The following FLNB variants were observed in gnomAD, a reference collection of about 807,000 sequenced individuals.
FLNB encodes the protein filamin B, also known as filamin-B.
A neutral mutation model predicts 250.6 loss-of-function variants in FLNB; 111 were observed. That is an observed-to-expected ratio of 0.44 (90% confidence interval 0.38 to 0.52). The LOEUF (loss-of-function observed/expected upper bound fraction) is 0.52, where lower values mean the gene tolerates loss of function less well. Ranked by LOEUF, FLNB falls within the 20% of genes least tolerant of loss-of-function variation. The pLI, the probability that FLNB is intolerant of heterozygous loss-of-function variation, is 0.00. For missense variants in FLNB, 2,869 were observed against 3,447.8 expected, an observed-to-expected ratio of 0.83 and a Z score of 4.20; for synonymous variants, 1,302 against 1,372.1, an observed-to-expected ratio of 0.95 and a Z score of 1.13.
Position 58,008,511 on chromosome 3 carries a change from C to G in FLNB, c.-54C>G. ...TCTCGCTCCTTCGGCCCTTGGGCCT[C>G]CAAACACCAGTCCCCGGCAGCTCGT... On this transcript the variant is annotated 5_prime_UTR_variant, in exon 1 of 46. Coordinates refer to ENST00000295956, the MANE Select transcript of FLNB (RefSeq NM_001457.4). 1 of 1,549,878 alleles carries G rather than the reference C, an allele frequency of 6.5e-7. No individual in the cohort carries two copies. Among genetic ancestry groups the G allele is most frequent in the South Asian group, 1.2e-5 (1 of 84,500 alleles).
chr3:58,163,075 G>A (rs2097364318), intron 42 of FLNB, 79 bp from the exon 43 acceptor site: 2 of 1,416,022 alleles, frequency 1.4e-6, no homozygotes, highest in Non-Finnish European at 1.0e-6. Flanking sequence ...TCTCAGCTTG[G>A]CCTCCATCCT....
At position 58,111,327 on chromosome 3, in the gene FLNB, T is replaced by A. The variant is rs560548885; in HGVS notation, c.2485-464T>A. 3.9e-5 allele frequency among the ~76,000 whole-genome samples: 6 copies of A among 152,354 alleles called. No homozygotes were observed. In the South Asian group the frequency reaches 1.0e-3, roughly 26 times the overall value. Reference sequence around the variant, plus strand: ...TAAAGGTAGTGGTCTTGACATCCATTTAACCTCTTCTGCCTTTATTCCAAT... The same window carrying A: ...TAAAGGTAGTGGTCTTGACATCCATATAACCTCTTCTGCCTTTATTCCAAT... On this transcript the variant is annotated intron_variant, in intron 16 of 45. Coordinates refer to ENST00000295956, the MANE Select transcript of FLNB (RefSeq NM_001457.4).
At chr3:58,133,345 C>T (rs1417909849) in intron 26 of FLNB, among the ~76,000 whole-genome samples, 2 of 146,548 alleles carry the variant, frequency 1.4e-5, no homozygotes, top group South Asian at 2.2e-4. Context: ...GCCTGTAATC[C>T]CAGCTACTTG....
intron 21 of FLNB, 69 bp from the exon 22 acceptor site, chr3:58,124,263 C>G: frequency 6.4e-7 from 1 of 1,559,102 alleles, no homozygotes; most frequent in Non-Finnish European, 8.8e-7. Context: ...TGCCAAGAAC[C>G]TTGGTTCTGG....
intron 11 of FLNB, 53 bp from the exon 12 acceptor site, chr3:58,106,627 A>G: frequency 6.5e-7 from 1 of 1,541,180 alleles, no homozygotes; most frequent in Non-Finnish European, 9.0e-7. Context: ...GTAACATAGA[A>G]TAGGTGCTTT....
At chr3:58,056,041 C>T (rs530592280) in intron 1 of FLNB, among the ~76,000 whole-genome samples, 116 of 149,652 alleles carry the variant, frequency 7.8e-4, no homozygotes, top group African/African-American at 2.7e-3. Flanking sequence ...TTATGGTCTT[C>T]GTTTGTAATG....
intron 1 of FLNB, among the ~76,000 whole-genome samples, chr3:58,016,047 AGTTT>A (rs1010114300): frequency 1.1e-4 from 17 of 149,672 alleles, no homozygotes; most frequent in South Asian, 4.2e-4. Flanking sequence ...ATGCTCCTTG[AGTTT>A]GTTTGTTTGT....
chr3:58,145,582 C>T (rs1296226916), intron 32 of FLNB, among the ~76,000 whole-genome samples: 4 of 152,202 alleles, frequency 2.6e-5, no homozygotes, highest in Non-Finnish European at 5.9e-5. Context: ...CACTTACCTT[C>T]CCTCTGGCCA....
intron 2 of FLNB, chr3:58,078,488 G>A (rs2097204656): frequency 8.5e-6 from 13 of 1,536,092 alleles, no homozygotes; most frequent in African/African-American, 1.4e-5. Context: ...CCATCTTCAT[G>A]CAAGAACATA....
At position 58,038,060 on chromosome 3, in the gene FLNB, G is replaced by A. The variant is rs573553953; in HGVS notation, c.292+29204G>A. 7.2e-5 allele frequency among the ~76,000 whole-genome samples: 11 copies of A among 152,118 alleles called. No homozygotes were observed. The East Asian group carries it at 9.6e-4, about 13-fold the overall frequency. Reference sequence around the variant, plus strand: ...TTGTTTGTTTTTATGACAGAGTTTCGCTCTTGTTGCCCAGGCTAGAGTGCA... The same window carrying A: ...TTGTTTGTTTTTATGACAGAGTTTCACTCTTGTTGCCCAGGCTAGAGTGCA... On this transcript the variant is annotated intron_variant, in intron 1 of 45. Transcript: ENST00000295956.
At chr3:58,162,296 C>T (rs903345226) in intron 42 of FLNB, among the ~76,000 whole-genome samples, 1 of 152,090 alleles carries the variant, frequency 6.6e-6, no homozygotes, top group Non-Finnish European at 1.5e-5. Flanking sequence ...ACAGGCTCTG[C>T]ACCCTGGGCA....
intron 1 of FLNB, among the ~76,000 whole-genome samples, chr3:58,068,606 A>G (rs1455154535): frequency 7.1e-6 from 1 of 141,550 alleles, no homozygotes; most frequent in Non-Finnish European, 1.6e-5. Flanking sequence ...GAAGCCTACA[A>G]TTCAGCCATG....
chr3:58,012,632 A>C (rs1485306129), intron 1 of FLNB, among the ~76,000 whole-genome samples: 1 of 152,202 alleles, frequency 6.6e-6, no homozygotes, highest in Non-Finnish European at 1.5e-5. Flanking sequence ...GATTGGCAGG[A>C]TGAATCCTCT....
chr3:58,100,589 CTT>C (rs147921421), intron 8 of FLNB, among the ~76,000 whole-genome samples: 1 of 124,964 alleles, frequency 8.0e-6, no homozygotes, highest in Admixed American at 8.5e-5. Flanking sequence ...TTTTCTTTTT[CTT>C]TTTTTTTTTG....
intron 32 of FLNB, among the ~76,000 whole-genome samples, chr3:58,144,158 A>G (rs1301965961): frequency 3.3e-5 from 5 of 152,248 alleles, no homozygotes; most frequent in Non-Finnish European, 7.3e-5. Context: ...TCATGGTTCA[A>G]AAATAAAAAT....
At chr3:58,061,453 A>G (rs1039788848) in intron 1 of FLNB, among the ~76,000 whole-genome samples, 1 of 152,176 alleles carries the variant, frequency 6.6e-6, no homozygotes, top group African/African-American at 2.4e-5. Context: ...TGGGTAGGGC[A>G]TGGTGGCTCA....
intron 18 of FLNB, among the ~76,000 whole-genome samples, chr3:58,117,044 G>A (rs1056541220): frequency 1.3e-5 from 2 of 152,194 alleles, no homozygotes; most frequent in Non-Finnish European, 2.9e-5. Flanking sequence ...GAGCTGTCTG[G>A]TCAGTGTCTT....
At chr3:58,120,924 T>C (rs1479258994) in intron 19 of FLNB, among the ~76,000 whole-genome samples, 1 of 152,166 alleles carries the variant, frequency 6.6e-6, no homozygotes, top group Non-Finnish European at 1.5e-5. Context: ...CATTGGTTAA[T>C]AATAAATACC....
At chr3:58,028,823 T>G (rs2106748068) in intron 1 of FLNB, among the ~76,000 whole-genome samples, 1 of 151,726 alleles carries the variant, frequency 6.6e-6, no homozygotes, top group Middle Eastern at 3.4e-3. Context: ...ACCATGTCGA[T>G]CAGGCTGGTC....
Sources: gnomAD v4.1 joint callset for allele counts (sites outside exome capture counted in the v4.1 genomes callset) on GRCh38, gnomAD v4.1.1 for gene constraint, MANE v1.5 for transcripts, NCBI Gene and HGNC (gene_info 2026-07-23, HGNC 2026-07-21) for gene names.